B4GALNT3: variants seen among roughly 807,000 people sequenced by gnomAD.
B4GALNT3 encodes the protein beta-1,4-N-acetylgalactosaminyltransferase 3.
A neutral mutation model predicts 120.2 loss-of-function variants in B4GALNT3; 86 were observed. That is an observed-to-expected ratio of 0.72 (90% CI 0.60 to 0.86). B4GALNT3 has a LOEUF of 0.86. Ranked by LOEUF, B4GALNT3 falls within the 40% of genes least tolerant of loss-of-function variation. The probability of loss-of-function intolerance (pLI) is 0.00; values close to 1 mark genes in which losing one functional copy is unlikely to be tolerated. For missense variants in B4GALNT3, 1,167 were observed against 1,298.9 expected (o/e 0.90, Z 1.56); for synonymous variants, 518 against 510.4 (o/e 1.01, Z -0.20).
chr12:474,938 A>AC (rs1946169296), intron 1 of B4GALNT3, among the ~76,000 whole-genome samples: 1 of 115,034 alleles, frequency 8.7e-6, no homozygotes, highest in African/African-American at 3.3e-5. Flanking sequence ...ACAGAGGGAG[A>AC]CCTTGTCTCA....
chr12:521,545 G>C (rs538431415), intron 1 of B4GALNT3, among the ~76,000 whole-genome samples: 1 of 152,254 alleles, frequency 6.6e-6, no homozygotes, highest in South Asian at 2.1e-4. Flanking sequence ...GGCCATGATG[G>C]TAACTGGAAG....
chr12:482,342 C>T (rs1946250075), intron 1 of B4GALNT3, among the ~76,000 whole-genome samples: 2 of 152,182 alleles, frequency 1.3e-5, no homozygotes, highest in South Asian at 4.1e-4. Flanking sequence ...GGAAACATCT[C>T]CTTGGCTAAT....
intron 1 of B4GALNT3, among the ~76,000 whole-genome samples, chr12:472,670 C>T (rs1946148365): frequency 1.3e-5 from 2 of 152,214 alleles, no homozygotes; most frequent in African/African-American, 4.8e-5. Flanking sequence ...ATCTCCTGAC[C>T]TCATGATCCG....
At chr12:503,429 A>G (rs981703748) in intron 1 of B4GALNT3, among the ~76,000 whole-genome samples, 1 of 152,160 alleles carries the variant, frequency 6.6e-6, no homozygotes, top group Non-Finnish European at 1.5e-5. Context: ...CTTCTCTGCC[A>G]TCAGCTGTCA....
intron 1 of B4GALNT3, among the ~76,000 whole-genome samples, chr12:467,511 A>G (rs7133891): frequency 0.46 from 69,889 of 152,112 alleles, 17,421 homozygotes; most frequent in East Asian, 0.61. Flanking sequence ...GTGAGCCAAG[A>G]TGGCGCCACT....
chr12:484,801 A>T (rs1023451150), intron 1 of B4GALNT3, among the ~76,000 whole-genome samples: 25 of 34,524 alleles, frequency 7.2e-4, no homozygotes, highest in Admixed American at 5.1e-3. Context: ...AGAAAAATTA[A>T]AAAAAAAAAA....
intron 14 of B4GALNT3, among the ~76,000 whole-genome samples, chr12:554,789 CAAAAAAAA>C (rs57194028): frequency 1.5e-4 from 5 of 33,014 alleles, no homozygotes; most frequent in South Asian, 1.5e-3. Context: ...GACTCCGTCT[CAAAAAAAA>C]AAAAAAAAAA....
Position 535,266 on chromosome 12 carries a change from C to G in B4GALNT3, c.270C>G (p.Leu90=). ...LQFYHPQRLS[L]EDHDIDQGVS... ...TCTACCATCCCCAGAGGCTGAGCCT[C>G]GAGGTAGGTGACCAGCCAGTCCATT... is the stretch of plus-strand genomic sequence containing the variant. Residue 90 remains leucine (L), a synonymous_variant, in exon 2 of 20, where the codon CTC becomes CTG. Coordinates refer to ENST00000266383, the MANE Select transcript of B4GALNT3 (RefSeq NM_173593.4). The G allele has an allele frequency of 6.2e-7, 1 of 1,613,260 alleles. No individual in the cohort carries two copies.
intron 1 of B4GALNT3, among the ~76,000 whole-genome samples, chr12:470,633 T>C (rs536898451): frequency 8.5e-5 from 13 of 152,288 alleles, no homozygotes; most frequent in African/African-American, 2.9e-4. Context: ...TGACTTCCGA[T>C]AGCAGAAGGC....
intron 2 of B4GALNT3, 25 bp from the exon 3 acceptor site, chr12:536,193 A>ACTTCGTT (rs1178319951): frequency 6.3e-7 from 1 of 1,595,106 alleles, no homozygotes; most frequent in African/African-American, 1.3e-5. Flanking sequence ...ATTCCTACCA[A>ACTTCGTT]CTTCGTTCTT....
At chr12:496,591 T>TC (rs772615804) in intron 1 of B4GALNT3, among the ~76,000 whole-genome samples, 2 of 151,816 alleles carry the variant, frequency 1.3e-5, no homozygotes, top group African/African-American at 4.8e-5. Flanking sequence ...AGAACAAGAC[T>TC]CCATCTCAAA....
chr12:511,565 GCCTTCGACCTTCTTCCACCTTCCA>G (rs1946561634), intron 1 of B4GALNT3, among the ~76,000 whole-genome samples: 1 of 48,880 alleles, frequency 2.0e-5, no homozygotes, highest in African/African-American at 8.8e-5. Flanking sequence ...TCCACCTTCC[GCCTTCGACCTTCTTCCACCTTCCA>G]CCTTCCGCCT....
At chr12:469,477 A>G (rs1946114133) in intron 1 of B4GALNT3, among the ~76,000 whole-genome samples, 1 of 152,184 alleles carries the variant, frequency 6.6e-6, no homozygotes, top group Non-Finnish European at 1.5e-5. Context: ...TTCTCAGCCC[A>G]TGACACAGCT....
In B4GALNT3 at chr12:459,967, C is replaced by T. The variant is rs1946002804; in HGVS notation, c.-410C>T. Among the ~76,000 whole-genome samples the T allele has an allele frequency of 1.3e-5, 2 of 151,012 alleles. No homozygotes were observed. Among genetic ancestry groups the T allele is most frequent in the South Asian group, 4.2e-4 (2 of 4,806 alleles). On this transcript the variant is annotated 5_prime_UTR_variant, in exon 1 of 20. Coordinates refer to ENST00000266383, the MANE Select transcript of B4GALNT3 (RefSeq NM_173593.4). ...TTCCGCGAGCAGGAGAGCCCAGAGCCCGGAGCCCGGTCCGGGGCTGGCGGG... is the reference window on the plus strand; with the variant it reads ...TTCCGCGAGCAGGAGAGCCCAGAGCTCGGAGCCCGGTCCGGGGCTGGCGGG...
chr12:535,016 T>A, intron 1 of B4GALNT3, 150 bp from the exon 2 acceptor site: 1 of 596,882 alleles, frequency 1.7e-6, no homozygotes, highest in South Asian at 2.3e-5. Flanking sequence ...TGCAGCTATC[T>A]CCTGCCCCCA....
intron 1 of B4GALNT3, among the ~76,000 whole-genome samples, chr12:476,740 C>T (rs1946189423): frequency 6.6e-6 from 1 of 152,206 alleles, no homozygotes; most frequent in African/African-American, 2.4e-5. Context: ...TACCCTCTGT[C>T]CCTGTTTTGA....
intron 19 of B4GALNT3, among the ~76,000 whole-genome samples, chr12:559,708 T>C (rs1013222388): frequency 6.6e-6 from 1 of 151,890 alleles, no homozygotes; most frequent in Non-Finnish European, 1.5e-5. Context: ...ACATAAACCA[T>C]GATGTTCTCA....
At chr12:545,083 A>C in intron 5 of B4GALNT3, 111 bp downstream of exon 5, 5 of 1,476,866 alleles carry the variant, frequency 3.4e-6, no homozygotes, top group Non-Finnish European at 4.5e-6. Context: ...CTGTTAGTCC[A>C]CCCTCAGGAA....
chr12:559,439 G>A lies in B4GALNT3; in HGVS notation c.2888+18G>A. On this transcript the variant is annotated intron_variant, in intron 19 of 19. Coordinates refer to ENST00000266383, the MANE Select transcript of B4GALNT3 (RefSeq NM_173593.4). Reference sequence around the variant, plus strand: ...CTGGACAGGTGACTGGGAAGAGGAGGGCATCCACGAGGCCTGGGAATTCCA... The same window carrying A: ...CTGGACAGGTGACTGGGAAGAGGAGAGCATCCACGAGGCCTGGGAATTCCA... 6.2e-7 allele frequency: 1 copy of A among 1,612,308 alleles called. No individual in the cohort carries two copies. The highest frequency in any genetic ancestry group is 8.5e-7 in the Non-Finnish European group (1 of 1,178,702).
Sources: gnomAD v4.1 joint callset for allele counts (sites outside exome capture counted in the v4.1 genomes callset) on GRCh38, gnomAD v4.1.1 for gene constraint, MANE v1.5 for transcripts, NCBI Gene and HGNC (gene_info 2026-07-23, HGNC 2026-07-21) for gene names.